Variants in RCAN2 observed in about 807,000 individuals in gnomAD.
The protein encoded by RCAN2 is regulator of calcineurin 2, also known as calcipressin-2.
A neutral mutation model predicts 23.6 loss-of-function variants in RCAN2; 9 were observed. The observed-to-expected ratio is 0.38, with a 90% confidence interval of 0.23 to 0.67. The LOEUF (loss-of-function observed/expected upper bound fraction) is 0.67, where lower values mean the gene tolerates loss of function less well. RCAN2 is among the 30% of genes least tolerant of loss of function. The probability of loss-of-function intolerance (pLI) is 0.51; values close to 1 mark genes in which losing one functional copy is unlikely to be tolerated. For synonymous variants in RCAN2, 109 were observed against 115.7 expected (o/e 0.94, Z 0.37); for missense variants, 273 against 302.3 (o/e 0.90, Z 0.72).
At chr6:46,313,275 C>G (rs1049869097) in intron 2 of RCAN2, among the ~76,000 whole-genome samples, 1 of 152,186 alleles carries the variant, frequency 6.6e-6, no homozygotes. Flanking sequence ...ATGTTCTACT[C>G]TCTATGTACT....
chr6:46,450,772 C>T (rs948815228), intron 2 of RCAN2, among the ~76,000 whole-genome samples: 2 of 151,800 alleles, frequency 1.3e-5, no homozygotes, highest in African/African-American at 4.8e-5. Flanking sequence ...TGGTACTTAC[C>T]AGGGGCTGGG....
At chr6:46,346,325 G>A (rs1240538826) in intron 2 of RCAN2, among the ~76,000 whole-genome samples, 1 of 151,978 alleles carries the variant, frequency 6.6e-6, no homozygotes, top group African/African-American at 2.4e-5. Context: ...TATAGACTCA[G>A]GAAACAAAGA....
chr6:46,383,097 T>C (rs905266558), intron 2 of RCAN2, among the ~76,000 whole-genome samples: 2 of 151,036 alleles, frequency 1.3e-5, no homozygotes, highest in Non-Finnish European at 2.9e-5. Context: ...TACAAAGTAA[T>C]AAAAGTGATA....
intron 1 of RCAN2, among the ~76,000 whole-genome samples, chr6:46,490,019 G>A (rs1324983826): frequency 1.3e-5 from 2 of 152,146 alleles, no homozygotes; most frequent in African/African-American, 4.8e-5. Flanking sequence ...ACTTCACTGT[G>A]CCCCCAGAAT....
At chr6:46,251,618 T>G (rs1267564064) in intron 2 of RCAN2, among the ~76,000 whole-genome samples, 1 of 152,050 alleles carries the variant, frequency 6.6e-6, no homozygotes, top group Non-Finnish European at 1.5e-5. Context: ...TTCCTTTTCA[T>G]TTCATATTTC....
At chr6:46,248,307 G>A (rs891936849) in intron 3 of RCAN2, among the ~76,000 whole-genome samples, 4 of 152,168 alleles carry the variant, frequency 2.6e-5, no homozygotes, top group African/African-American at 9.7e-5. Flanking sequence ...TATGATTTAA[G>A]TTTTAATTAT....
At chr6:46,334,139 C>T (rs974575063) in intron 2 of RCAN2, among the ~76,000 whole-genome samples, 6 of 152,240 alleles carry the variant, frequency 3.9e-5, no homozygotes, top group Admixed American at 6.5e-5. Context: ...CTCAAAAGGC[C>T]TGTCTTAATC....
intron 4 of RCAN2, among the ~76,000 whole-genome samples, chr6:46,227,078 A>G (rs1046785331): frequency 1.3e-5 from 2 of 152,036 alleles, no homozygotes; most frequent in East Asian, 1.9e-4. Flanking sequence ...TATTTATATG[A>G]TGGATTATGT....
Position 46,369,560 on chromosome 6 carries a change from T to C in RCAN2, c.225+87192A>G, listed in dbSNP as rs893560986. ...CAGAAATTTTTCTGTTCCATTATAA[T>C]CTTATGGGACCACCGTCATACATGT... On this transcript the variant is annotated intron_variant, in intron 2 of 4. Transcript: ENST00000371374. Among the ~76,000 whole-genome samples, 5 of 152,068 alleles carry C rather than the reference T, an allele frequency of 3.3e-5. 1 individual carries two copies. The highest frequency in any genetic ancestry group is 1.3e-4 in the Admixed American group (2 of 15,276).
intron 2 of RCAN2, among the ~76,000 whole-genome samples, chr6:46,418,443 G>C (rs936748981): frequency 6.6e-6 from 1 of 151,798 alleles, no homozygotes; most frequent in Non-Finnish European, 1.5e-5. Flanking sequence ...ACAAAATTTG[G>C]ATTTCATATC....
At chr6:46,319,656 T>A (rs1225236220) in intron 2 of RCAN2, among the ~76,000 whole-genome samples, 1 of 152,238 alleles carries the variant, frequency 6.6e-6, no homozygotes, top group Non-Finnish European at 1.5e-5. Context: ...CTCTGAAAGA[T>A]GTTTGCTACT....
At chr6:46,415,106 G>A (rs531276953) in intron 2 of RCAN2, among the ~76,000 whole-genome samples, 6 of 152,108 alleles carry the variant, frequency 3.9e-5, no homozygotes, top group Non-Finnish European at 8.8e-5. Context: ...AAAGGTTTTG[G>A]AGCAGAAGAA....
chr6:46,390,882 G>A (rs1324956280), intron 2 of RCAN2, among the ~76,000 whole-genome samples: 1 of 152,168 alleles, frequency 6.6e-6, no homozygotes, highest in African/African-American at 2.4e-5. Flanking sequence ...TATGAGGTTG[G>A]GTGAGAAAAT....
At chr6:46,436,852 T>A (rs1219461391) in intron 2 of RCAN2, among the ~76,000 whole-genome samples, 1 of 152,156 alleles carries the variant, frequency 6.6e-6, no homozygotes, top group Non-Finnish European at 1.5e-5. Flanking sequence ...GAATGACCCT[T>A]GTGGGGATGA....
At chr6:46,333,584 C>G (rs576758231) in intron 2 of RCAN2, among the ~76,000 whole-genome samples, 1 of 152,186 alleles carries the variant, frequency 6.6e-6, no homozygotes, top group Non-Finnish European at 1.5e-5. Context: ...CTAGCTCTTG[C>G]CAAATTTTTC....
intron 2 of RCAN2, among the ~76,000 whole-genome samples, chr6:46,309,557 A>G (rs555153765): frequency 7.2e-5 from 11 of 152,276 alleles, no homozygotes; most frequent in African/African-American, 2.4e-4. Flanking sequence ...CATACAATTA[A>G]TTGACAATGC....
chr6:46,280,111 C>G (rs1422352584), intron 2 of RCAN2, among the ~76,000 whole-genome samples: 1 of 152,142 alleles, frequency 6.6e-6, no homozygotes, highest in East Asian at 1.9e-4. Flanking sequence ...CTACCCCACA[C>G]AAAGCTTGAA....
At chr6:46,303,017 G>C (rs1399377117) in intron 2 of RCAN2, among the ~76,000 whole-genome samples, 1 of 151,932 alleles carries the variant, frequency 6.6e-6, no homozygotes, top group Non-Finnish European at 1.5e-5. Context: ...CTCTGACATG[G>C]CAGGAAATGA....
At chr6:46,295,896 G>A (rs1417961667) in intron 2 of RCAN2, among the ~76,000 whole-genome samples, 1 of 151,758 alleles carries the variant, frequency 6.6e-6, no homozygotes, top group East Asian at 1.9e-4. Flanking sequence ...AAACAAATTT[G>A]TTCTCAATGA....
Sources: allele counts gnomAD v4.1 joint callset (sites outside exome capture counted in the v4.1 genomes callset), GRCh38; gene constraint gnomAD v4.1.1; transcripts MANE v1.5; gene names NCBI Gene and HGNC (gene_info 2026-07-23, HGNC 2026-07-21).